Variants in KALRN observed in about 807,000 individuals in gnomAD.
KALRN encodes kalirin RhoGEF kinase.
In KALRN, 70 loss-of-function variants were observed where a neutral mutation model predicts 353.7. That is an observed-to-expected ratio of 0.20 (90% CI 0.16 to 0.24). KALRN has a LOEUF of 0.24. KALRN is among the 10% of genes least tolerant of loss of function. KALRN has a pLI of 1.00. For synonymous variants in KALRN, 1,391 were observed against 1,434.8 expected (o/e 0.97, Z 0.69); for missense variants, 2,791 against 3,756.7 (o/e 0.74, Z 6.72).
intron 1 of KALRN, among the ~76,000 whole-genome samples, chr3:124,043,143 G>A (rs1356607427): frequency 1.3e-5 from 2 of 152,154 alleles, no homozygotes; most frequent in Non-Finnish European, 2.9e-5. Context: ...GGAATCATTG[G>A]TAATCTTTGA....
intron 1 of KALRN, among the ~76,000 whole-genome samples, chr3:124,101,711 C>T (rs554029700): frequency 1.3e-5 from 2 of 152,294 alleles, no homozygotes; most frequent in East Asian, 3.9e-4. Flanking sequence ...GGCTCCTCAT[C>T]TTCTATGTCT....
In KALRN at chr3:124,666,538, G is replaced by A. The variant is rs770314288; in HGVS notation, c.6435G>A (p.Glu2145=). 5 of 1,613,948 alleles carry A rather than the reference G, an allele frequency of 3.1e-6. No individual in the cohort carries two copies. Among genetic ancestry groups the A allele is most frequent in the Middle Eastern group, 1.6e-4 (1 of 6,080 alleles). ...LDAGMQSRTK[E]RRVFLFEQIV... is the part of the protein sequence containing the mutation. Reference sequence around the variant, plus strand: ...CAGGCATGCAGTCCCGGACCAAAGAGAGGCGCGTGTTCCTCTTCGAGCAGA... The same window carrying A: ...CAGGCATGCAGTCCCGGACCAAAGAAAGGCGCGTGTTCCTCTTCGAGCAGA... The change falls in exon 46 of 60, where the codon GAG becomes GAA. Residue 2145 remains glutamate (E), a synonymous_variant. Transcript: ENST00000682506.
chr3:124,062,239 G>A (rs527914351), intron 1 of KALRN, among the ~76,000 whole-genome samples: 1 of 152,272 alleles, frequency 6.6e-6, no homozygotes, highest in South Asian at 2.1e-4. Context: ...AAACTCCTTT[G>A]AGCTTCAGTT....
intron 1 of KALRN, among the ~76,000 whole-genome samples, chr3:124,054,940 CT>C (rs1559879461): frequency 6.8e-6 from 1 of 147,630 alleles, no homozygotes; most frequent in Non-Finnish European, 1.5e-5. Flanking sequence ...TGAATACAGC[CT>C]TTTAATTAGT....
chr3:124,671,699 G>C lies in KALRN; in HGVS notation c.6743G>C (p.Ser2248Thr). Residue 2248 changes from serine to threonine, a missense_variant, in exon 48 of 60, where the codon AGC becomes ACC. Ser to Thr is a moderately conservative substitution (Grantham distance 58, BLOSUM62 1). This residue lies in a region of KALRN where 1,065 missense variants were observed against 1,156.4 expected (regional missense o/e 0.92). Coordinates refer to ENST00000682506, the MANE Select transcript of KALRN (RefSeq NM_001388419.1). The part of the protein sequence containing the change: ...SPIEYQRKER[S>T]TAVMRSQPAR... ...ATTGAGTATCAACGGAAAGAAAGGA[G>C]CACAGCTGTGATGAGGTCTCAACCT... 6.2e-7 allele frequency: 1 copy of C among 1,614,090 alleles called. No individual in the cohort carries two copies. Among genetic ancestry groups the C allele is most frequent in the Non-Finnish European group, 8.5e-7 (1 of 1,179,970 alleles).
chr3:124,346,807 T>C (rs1226152692), intron 9 of KALRN, among the ~76,000 whole-genome samples: 1 of 152,208 alleles, frequency 6.6e-6, no homozygotes, highest in African/African-American at 2.4e-5. Context: ...AATATCTTTA[T>C]GTGATTGGGT....
chr3:124,688,914 G>GA (rs1219827417), intron 51 of KALRN, among the ~76,000 whole-genome samples: 1 of 152,132 alleles, frequency 6.6e-6, no homozygotes, highest in Non-Finnish European at 1.5e-5. Flanking sequence ...CCATTTTGAA[G>GA]AAAAAACGAT....
At chr3:124,502,564 T>A (rs1301838131) in intron 33 of KALRN, among the ~76,000 whole-genome samples, 2 of 152,214 alleles carry the variant, frequency 1.3e-5, no homozygotes, top group Non-Finnish European at 2.9e-5. Context: ...AGGTACCAGC[T>A]GCATGACCTG....
At chr3:124,558,361 T>C (rs1266024532) in intron 33 of KALRN, among the ~76,000 whole-genome samples, 1 of 152,028 alleles carries the variant, frequency 6.6e-6, no homozygotes, top group Non-Finnish European at 1.5e-5. Context: ...CACTGCAACC[T>C]CTGCTTCCCA....
chr3:124,376,925 GA>G lies in KALRN; in HGVS notation c.1771-7911del, dbSNP rs796580229. Among the ~76,000 whole-genome samples the G allele has an allele frequency of 7.3e-5, 11 of 149,888 alleles. 1 individual carries two copies. Among genetic ancestry groups the G allele is most frequent in the South Asian group, 6.3e-4 (3 of 4,728 alleles). On this transcript the variant is annotated intron_variant, in intron 10 of 59. Coordinates refer to ENST00000682506, the MANE Select transcript of KALRN (RefSeq NM_001388419.1). The stretch of plus-strand genomic sequence containing the variant: ...CACACAAAAGGAGTGTATTGCAAAA[GA>G]AAAAAAAAGGCTGTTGCACGTGCAC...
intron 1 of KALRN, among the ~76,000 whole-genome samples, chr3:124,076,869 G>A (rs778350233): frequency 7.2e-5 from 11 of 152,200 alleles, no homozygotes; most frequent in Non-Finnish European, 1.5e-4. Context: ...AAGAACAGCG[G>A]CAAATATGCA....
intron 14 of KALRN, among the ~76,000 whole-genome samples, chr3:124,414,312 CAT>C (rs1193886595): frequency 1.3e-5 from 2 of 152,160 alleles, no homozygotes; most frequent in African/African-American, 2.4e-5. Context: ...ATTGTATACA[CAT>C]GTGTAGTTGT....
At chr3:124,279,511 G>C (rs1381242450) in intron 5 of KALRN, among the ~76,000 whole-genome samples, 1 of 152,216 alleles carries the variant, frequency 6.6e-6, no homozygotes, top group Non-Finnish European at 1.5e-5. Flanking sequence ...AAAGATGCCA[G>C]AGTGGAAAGT....
chr3:124,430,443 A>G (rs1225502067), intron 15 of KALRN, among the ~76,000 whole-genome samples: 1 of 152,212 alleles, frequency 6.6e-6, no homozygotes, highest in Admixed American at 6.5e-5. Context: ...GGAGCTGGGA[A>G]TAAAGCAGGT....
At chr3:124,286,612 A>G (rs1192187214) in intron 5 of KALRN, among the ~76,000 whole-genome samples, 1 of 152,114 alleles carries the variant, frequency 6.6e-6, no homozygotes, top group East Asian at 1.9e-4. Context: ...TGCTGCATCT[A>G]TTCTGCCATT....
chr3:124,484,635 A>C (rs2062355314), intron 28 of KALRN, among the ~76,000 whole-genome samples: 4 of 152,056 alleles, frequency 2.6e-5, no homozygotes, highest in Non-Finnish European at 5.9e-5. Context: ...CTCTCTCCTG[A>C]GAAATGGGTA....
chr3:124,581,286 C>T (rs371880868), intron 34 of KALRN, among the ~76,000 whole-genome samples: 3 of 151,600 alleles, frequency 2.0e-5, no homozygotes, highest in East Asian at 3.9e-4. Flanking sequence ...CCAGCTACTC[C>T]AGAGGCTGAT....
intron 5 of KALRN, among the ~76,000 whole-genome samples, chr3:124,291,803 A>G (rs1265113939): frequency 1.3e-5 from 2 of 152,202 alleles, no homozygotes; most frequent in Non-Finnish European, 2.9e-5. Flanking sequence ...TTATGACAAA[A>G]GACAAAAATG....
At chr3:124,328,060 G>T (rs552972746) in intron 7 of KALRN, among the ~76,000 whole-genome samples, 1 of 152,228 alleles carries the variant, frequency 6.6e-6, no homozygotes, top group East Asian at 1.9e-4. Context: ...TACTACTATG[G>T]GTATTTGCAC....
Sources: gnomAD v4.1 joint callset for allele counts (sites outside exome capture counted in the v4.1 genomes callset) on GRCh38, gnomAD v4.1.1 for gene constraint, gnomAD v4.1.1 regional missense constraint, MANE v1.5 for transcripts, NCBI Gene and HGNC (gene_info 2026-07-23, HGNC 2026-07-21) for gene names.